TNS1: variants seen among roughly 807,000 people sequenced by gnomAD.
TNS1 encodes the protein tensin 1.
Under a neutral mutation model 168.6 loss-of-function variants are expected in TNS1, and 62 were observed. The ratio of observed to expected loss-of-function variants is 0.37; its 90% CI spans 0.30 to 0.45. The LOEUF is 0.45. Ranked by LOEUF, TNS1 falls within the 20% of genes least tolerant of loss-of-function variation. The pLI, the probability that TNS1 is intolerant of heterozygous loss-of-function variation, is 1.00. For synonymous variants in TNS1, 934 were observed against 933.2 expected, an observed-to-expected ratio of 1.00 and a Z score of -0.02; for missense variants, 2,240 against 2,339.4, an observed-to-expected ratio of 0.96 and a Z score of 0.88.
At chr2:217,963,268 C>T (rs543851670) in intron 3 of TNS1, among the ~76,000 whole-genome samples, 137 of 152,290 alleles carry the variant, frequency 9.0e-4, no homozygotes, top group South Asian at 7.9e-3. Flanking sequence ...ACACGGAAAA[C>T]AGAACTGGCC....
intron 2 of TNS1, among the ~76,000 whole-genome samples, chr2:217,981,163 T>C (rs1425139110): frequency 6.6e-6 from 1 of 152,224 alleles, no homozygotes; most frequent in Non-Finnish European, 1.5e-5. Context: ...ACAGCATCTT[T>C]GTGCAAACTA....
At chr2:217,992,163 A>T (rs116706587) in intron 1 of TNS1, among the ~76,000 whole-genome samples, 2,244 of 152,214 alleles carry the variant, frequency 0.015, 75 homozygotes, top group African/African-American at 0.05. Flanking sequence ...CACAGAAAGC[A>T]TCCCCTGCCC....
At position 218,032,586 on chromosome 2, in the gene TNS1, C is replaced by T. The variant is rs939750395; in HGVS notation, c.156+1234G>A. 6.6e-6 allele frequency among the ~76,000 whole-genome samples: 1 copy of T among 152,168 alleles called. No individual in the cohort carries two copies. The highest frequency in any genetic ancestry group is 1.5e-5 in the Non-Finnish European group (1 of 68,002). ...CAGGCAGCCCAGATGTCTGGGTAGC[C>T]ACTGACTCTTGGCTTTTGAGGGGAT... is the stretch of plus-strand genomic sequence containing the variant. On this transcript the variant is annotated intron_variant, in intron 1 of 1. Transcript: ENST00000649572. The surrounding 1 kb of genome is among the most constrained non-coding windows in gnomAD (Gnocchi z 4.0).
intron 1 of TNS1, among the ~76,000 whole-genome samples, chr2:217,999,161 C>T (rs1199386601): frequency 6.6e-6 from 1 of 152,172 alleles, no homozygotes; most frequent in Non-Finnish European, 1.5e-5. Context: ...CCCACGGACC[C>T]CACATGTCCT....
rs1947024518 is a variant in TNS1, at chr2:217,848,593, C to T, written c.1924G>A (p.Gly642Ser). Reference sequence around the variant, plus strand: ...ACCCCGTCCAGAGAAGAGAGTGTGCCCATGCTGCCCGCACTGTGACCATCC... The same window carrying T: ...ACCCCGTCCAGAGAAGAGAGTGTGCTCATGCTGCCCGCACTGTGACCATCC... ...NQDGHSAGSMGTLSSLDGVTN... is the reference protein window; with the variant it reads ...NQDGHSAGSMSTLSSLDGVTN... The change falls in exon 19 of 33, where the codon GGC becomes AGC. Residue 642 changes from glycine (G) to serine (S), a missense_variant. Gly to Ser is a moderately conservative substitution (Grantham distance 56). Around this residue, in one of 2 missense-constraint regions of TNS1, gnomAD observed 2,131 missense variants for 2,171.2 expected, o/e 0.98. Coordinates refer to ENST00000682258, the MANE Select transcript of TNS1 (RefSeq NM_001387777.1). 6.2e-7 allele frequency: 1 copy of T among 1,614,062 alleles called. No individual in the cohort carries two copies. Among genetic ancestry groups the T allele is most frequent in the Admixed American group, 1.7e-5 (1 of 60,002 alleles).
chr2:218,015,749 G>T (rs959683836), intron 1 of TNS1, among the ~76,000 whole-genome samples: 1 of 152,152 alleles, frequency 6.6e-6, no homozygotes, highest in African/African-American at 2.4e-5. Context: ...AACGGGGGGT[G>T]GGGGCAGGGT....
Position 217,848,774 on chromosome 2 carries a change from G to A in TNS1, c.1743C>T (p.Ala581=). ...GFGLEREKQG[A]MYHTQHLRSR... is the part of the protein sequence containing the mutation. ...ACCTGAGGTGCTGGGTGTGGTACATGGCGCCTTGCTTCTCTCGCTCTAAGC... is the reference window on the plus strand; with the variant it reads ...ACCTGAGGTGCTGGGTGTGGTACATAGCGCCTTGCTTCTCTCGCTCTAAGC... Residue 581 remains alanine, a synonymous_variant, in exon 19 of 33, where the codon GCC becomes GCT. Coordinates refer to ENST00000682258, the MANE Select transcript of TNS1 (RefSeq NM_001387777.1). 6.2e-7 allele frequency: 1 copy of A among 1,614,196 alleles called. No individual in the cohort carries two copies. Among genetic ancestry groups the A allele is most frequent in the South Asian group, 1.1e-5 (1 of 91,088 alleles).
intron 28 of TNS1, among the ~76,000 whole-genome samples, chr2:217,811,189 A>AT (rs1337217538): frequency 6.6e-6 from 1 of 152,144 alleles, no homozygotes; most frequent in Non-Finnish European, 1.5e-5. Context: ...CAATATTTGC[A>AT]TTTTTTAACA....
intron 8 of TNS1, among the ~76,000 whole-genome samples, chr2:217,897,353 C>A (rs555077787): frequency 7.2e-5 from 11 of 152,358 alleles, no homozygotes; most frequent in Admixed American, 1.3e-4. Context: ...CTCAGAGGCA[C>A]CGACCCTGTG....
chr2:217,907,179 A>C (rs1480935332), intron 5 of TNS1, 31 bp downstream of exon 5: 5 of 702,652 alleles, frequency 7.1e-6, no homozygotes, highest in African/African-American at 5.2e-5. Flanking sequence ...AGGCTGTTCC[A>C]GCTCCCCCAC....
intron 1 of TNS1, among the ~76,000 whole-genome samples, chr2:218,029,776 C>A (rs1958877856): frequency 6.6e-6 from 1 of 152,186 alleles, no homozygotes; most frequent in African/African-American, 2.4e-5. Context: ...CTGGAAGGGG[C>A]AGGAGGCACA....
At chr2:217,817,479 T>C (rs1424612638) in intron 24 of TNS1, among the ~76,000 whole-genome samples, 1 of 152,176 alleles carries the variant, frequency 6.6e-6, no homozygotes, top group East Asian at 1.9e-4. Context: ...TGTATCCACA[T>C]CCTCATCTCA....
intron 3 of TNS1, among the ~76,000 whole-genome samples, chr2:217,972,228 T>C (rs1019318554): frequency 1.3e-5 from 2 of 152,156 alleles, no homozygotes; most frequent in Non-Finnish European, 2.9e-5. Context: ...TTGCCCAAGA[T>C]CACACAGCCA....
intron 1 of TNS1, among the ~76,000 whole-genome samples, chr2:217,993,467 C>CTCACCT (rs1559405318): frequency 6.6e-6 from 1 of 152,256 alleles, no homozygotes; most frequent in Non-Finnish European, 1.5e-5. Context: ...ACAGACGCCG[C>CTCACCT]TTCTGCGGTA....
chr2:217,969,974 C>A (rs1957738452), intron 3 of TNS1, among the ~76,000 whole-genome samples: 1 of 151,924 alleles, frequency 6.6e-6, no homozygotes, highest in African/African-American at 2.4e-5. Flanking sequence ...TGAGGATGGG[C>A]CTTAACCATC....
intron 1 of TNS1, among the ~76,000 whole-genome samples, chr2:217,994,430 T>C (rs1958432171): frequency 6.6e-6 from 1 of 151,862 alleles, no homozygotes; most frequent in South Asian, 2.1e-4. Flanking sequence ...TAAAGCCAGC[T>C]CTCCTGGTCC....
chr2:217,861,919 A>T (rs1948817819), intron 18 of TNS1, among the ~76,000 whole-genome samples: 1 of 152,214 alleles, frequency 6.6e-6, no homozygotes. Context: ...CTTAAGCTTC[A>T]GGACATACAA....
intron 3 of TNS1, among the ~76,000 whole-genome samples, chr2:217,945,985 C>G (rs1361746098): frequency 6.6e-6 from 1 of 152,102 alleles, no homozygotes; most frequent in African/African-American, 2.4e-5. Context: ...CTCCATCTTC[C>G]CCTTCTCTTC....
At chr2:217,991,764 C>T (rs191409622) in intron 1 of TNS1, among the ~76,000 whole-genome samples, 103 of 152,264 alleles carry the variant, frequency 6.8e-4, no homozygotes, top group Non-Finnish European at 1.3e-3. Flanking sequence ...TCCCCTCATT[C>T]TCTCCCCATT....
Sources: gnomAD v4.1 joint callset for allele counts (sites outside exome capture counted in the v4.1 genomes callset) on GRCh38, gnomAD v4.1.1 for gene constraint, gnomAD v4.1.1 regional missense constraint, Gnocchi (gnomAD v3.1) non-coding constraint, MANE v1.5 for transcripts, NCBI Gene and HGNC (gene_info 2026-07-23, HGNC 2026-07-21) for gene names.